CDH18: variants seen among roughly 807,000 people sequenced by gnomAD.
CDH18 encodes cadherin-18.
In CDH18, 31 loss-of-function variants were observed where a neutral mutation model predicts 67.9. The ratio of observed to expected loss-of-function variants is 0.46; its 90% CI spans 0.34 to 0.62. The LOEUF is 0.62. Among genes scored for constraint, CDH18 ranks in the 20% least tolerant of loss-of-function variants. The pLI is 0.01. For synonymous variants in CDH18, 362 were observed against 347.2 expected, an observed-to-expected ratio of 1.04 and a Z score of -0.48; for missense variants, 890 against 975.5, an observed-to-expected ratio of 0.91 and a Z score of 1.17.
rs540610660 is a variant in CDH18, at chr5:20,193,587, C to A, written c.-518+61857G>T. Among the ~76,000 whole-genome samples the A allele has an allele frequency of 5.3e-5, 8 of 151,810 alleles. No individual in the cohort carries two copies. In the East Asian group the frequency reaches 1.6e-3, roughly 29 times the overall value. The stretch of plus-strand genomic sequence containing the variant: ...AGACTCCTCTAGACTTCCTACTCCC[C>A]AATTCATTTTATGAAGCCAACATCA... On this transcript the variant is annotated intron_variant, in intron 2 of 14. Coordinates refer to the CDH18 transcript ENST00000507958.
At chr5:19,932,790 C>G (rs1202398615) in intron 2 of CDH18, among the ~76,000 whole-genome samples, 3 of 151,590 alleles carry the variant, frequency 2.0e-5, no homozygotes, top group African/African-American at 4.8e-5. Context: ...CATACATGCT[C>G]AAACCACTTG....
chr5:19,917,597 T>C (rs1438575258), intron 2 of CDH18, among the ~76,000 whole-genome samples: 2 of 152,138 alleles, frequency 1.3e-5, no homozygotes, highest in African/African-American at 4.8e-5. Context: ...CAACTTCATC[T>C]ATATAAAGAT....
At chr5:19,473,899 A>G (rs1236145759) in intron 12 of CDH18, among the ~76,000 whole-genome samples, 183 bp from the exon 13 acceptor site, 1 of 152,134 alleles carries the variant, frequency 6.6e-6, no homozygotes, top group Non-Finnish European at 1.5e-5. Context: ...TAATGCCTCA[A>G]ATAATGTAAA....
chr5:19,701,527 C>G (rs1480515357), intron 5 of CDH18, among the ~76,000 whole-genome samples: 1 of 152,072 alleles, frequency 6.6e-6, no homozygotes, highest in Admixed American at 6.6e-5. Flanking sequence ...AAGTTGACCC[C>G]TTTGGTCATA....
intron 5 of CDH18, among the ~76,000 whole-genome samples, chr5:19,674,038 C>T (rs1759126615): frequency 6.6e-6 from 1 of 151,904 alleles, no homozygotes; most frequent in African/African-American, 2.4e-5. Context: ...TTGAGATAAA[C>T]AAGATAATTT....
chr5:19,473,562 AG>A lies in CDH18; in HGVS notation c.2036del (p.Pro679LeufsTer17). The A allele has an allele frequency of 6.2e-7, 1 of 1,613,874 alleles. No individual in the cohort carries two copies. The highest frequency in any genetic ancestry group is 8.5e-7 in the Non-Finnish European group (1 of 1,179,876). ...GGTACTTGAGCTCCTCAGCAGCAGA[AG>A]GATTCCTCAAGGCTGTGATGTCAAA... ...EAFDITALRN[P>X]SAAEELKYRR... On this transcript the variant is annotated frameshift_variant, in exon 13 of 13. Transcript: ENST00000382275. LOFTEE classifies it high-confidence loss of function.
chr5:20,100,016 C>T (rs547966551), intron 2 of CDH18, among the ~76,000 whole-genome samples: 1 of 152,216 alleles, frequency 6.6e-6, no homozygotes, highest in South Asian at 2.1e-4. Flanking sequence ...CAACTCCTGA[C>T]TTCAAATGGT....
intron 2 of CDH18, among the ~76,000 whole-genome samples, chr5:19,884,261 T>A (rs1787962969): frequency 6.6e-6 from 1 of 152,108 alleles, no homozygotes; most frequent in Non-Finnish European, 1.5e-5. Context: ...TTAACAAAAT[T>A]GTTTTCACTA....
chr5:20,333,940 A>G (rs1046171290), intron 1 of CDH18, among the ~76,000 whole-genome samples: 11 of 152,064 alleles, frequency 7.2e-5, no homozygotes, highest in Admixed American at 3.3e-4. Context: ...AATTTATAAA[A>G]TTGCAATTTT....
At chr5:20,525,354 A>C (rs1371156595) in intron 1 of CDH18, among the ~76,000 whole-genome samples, 1 of 152,186 alleles carries the variant, frequency 6.6e-6, no homozygotes, top group South Asian at 2.1e-4. Context: ...GGCGGGGTTC[A>C]TCTTAGCCTA....
chr5:20,227,587 C>T (rs1176729790), intron 2 of CDH18, among the ~76,000 whole-genome samples: 1 of 152,012 alleles, frequency 6.6e-6, no homozygotes, highest in Non-Finnish European at 1.5e-5. Flanking sequence ...CAATTTTTGT[C>T]TTCTTTTCTA....
chr5:20,172,224 GTATA>G (rs72180276), intron 2 of CDH18, among the ~76,000 whole-genome samples: 1 of 19,526 alleles, frequency 5.1e-5, no homozygotes, highest in African/African-American at 1.8e-4. Context: ...ATATATATAT[GTATA>G]TATATATATA....
intron 3 of CDH18, among the ~76,000 whole-genome samples, chr5:19,770,248 G>T (rs1266179618): frequency 1.3e-5 from 2 of 151,164 alleles, no homozygotes; most frequent in African/African-American, 2.4e-5. Context: ...ACTTTTTAAA[G>T]AAATTAACAA....
At chr5:19,785,749 T>TA (rs1417002053) in intron 3 of CDH18, among the ~76,000 whole-genome samples, 1 of 94,090 alleles carries the variant, frequency 1.1e-5, no homozygotes, top group Admixed American at 1.4e-4. Context: ...AAATGCAGAA[T>TA]AAAATAGGTA....
intron 1 of CDH18, among the ~76,000 whole-genome samples, chr5:20,277,121 C>T (rs1340367190): frequency 2.6e-5 from 4 of 152,156 alleles, no homozygotes; most frequent in African/African-American, 9.7e-5. Context: ...GTCTTTGCCA[C>T]CTGCTGTTTT....
At chr5:19,642,935 A>C (rs1041599500) in intron 5 of CDH18, among the ~76,000 whole-genome samples, 22 of 152,242 alleles carry the variant, frequency 1.4e-4, no homozygotes, top group Admixed American at 1.1e-3. Context: ...TAAAAGGTTA[A>C]TATCCAAAAT....
intron 2 of CDH18, among the ~76,000 whole-genome samples, chr5:20,245,872 C>T (rs1743336780): frequency 6.6e-6 from 1 of 151,950 alleles, no homozygotes; most frequent in Non-Finnish European, 1.5e-5. Context: ...TAATATATAC[C>T]TAATGTAGCA....
chr5:19,484,270 G>A (rs748439132), intron 11 of CDH18, among the ~76,000 whole-genome samples: 2 of 152,118 alleles, frequency 1.3e-5, no homozygotes, highest in Non-Finnish European at 2.9e-5. Context: ...AATAATTTTT[G>A]TTATAAATAC....
At chr5:20,069,407 T>TTTA (rs1743257183) in intron 2 of CDH18, among the ~76,000 whole-genome samples, 1 of 147,858 alleles carries the variant, frequency 6.8e-6, no homozygotes, top group South Asian at 2.1e-4. Flanking sequence ...TTTTTATTAT[T>TTTA]TTTATTTATT....
Sources: allele counts gnomAD v4.1 joint callset (sites outside exome capture counted in the v4.1 genomes callset), GRCh38; gene constraint gnomAD v4.1.1; transcripts MANE v1.5; gene names NCBI Gene and HGNC (gene_info 2026-07-23, HGNC 2026-07-21).